Variants in ARL15 observed in about 807,000 individuals in gnomAD.
The protein encoded by ARL15 is ARF like GTPase 15, also known as ADP-ribosylation factor-like protein 15.
A neutral mutation model predicts 25.2 loss-of-function variants in ARL15; 19 were observed. The ratio of observed to expected loss-of-function variants is 0.75; its 90% CI spans 0.53 to 1.10. ARL15 has a LOEUF of 1.10. Ranked by LOEUF, ARL15 falls within the 50% of genes least tolerant of loss-of-function variation. The probability of loss-of-function intolerance (pLI) is 0.00; values close to 1 mark genes in which losing one functional copy is unlikely to be tolerated. For synonymous variants in ARL15, 94 were observed against 86.8 expected (o/e 1.08, Z -0.46); for missense variants, 220 against 246.0 (o/e 0.89, Z 0.71).
At chr5:54,241,635 A>G (rs1350601980) in intron 1 of ARL15, among the ~76,000 whole-genome samples, 1 of 152,198 alleles carries the variant, frequency 6.6e-6, no homozygotes, top group Admixed American at 6.5e-5. Context: ...GTTATGACTC[A>G]TGAGAGTAGG....
intron 1 of ARL15, among the ~76,000 whole-genome samples, chr5:54,256,028 A>G (rs964650386): frequency 2.0e-5 from 3 of 151,900 alleles, no homozygotes; most frequent in African/African-American, 7.3e-5. Context: ...AAAAGAAAAC[A>G]CCAAACCCAA....
intron 3 of ARL15, among the ~76,000 whole-genome samples, chr5:54,144,153 A>C (rs114546525): frequency 0.051 from 7,805 of 151,898 alleles, 272 homozygotes; most frequent in East Asian, 0.14. Flanking sequence ...AAGTATGGTT[A>C]TTTTCTTATT....
At chr5:53,925,985 T>A (rs1034709121) in intron 4 of ARL15, among the ~76,000 whole-genome samples, 1 of 128,712 alleles carries the variant, frequency 7.8e-6, no homozygotes, top group Non-Finnish European at 1.6e-5. Context: ...ATGTCCTTAG[T>A]CTTTTTTCTT....
intron 1 of ARL15, among the ~76,000 whole-genome samples, chr5:54,239,950 G>A (rs1239444204): frequency 6.6e-6 from 1 of 152,110 alleles, no homozygotes; most frequent in Non-Finnish European, 1.5e-5. Context: ...ATCATCGGCC[G>A]GGCGCGGTGG....
chr5:54,277,823 T>C (rs1032784090), intron 1 of ARL15, among the ~76,000 whole-genome samples: 6 of 152,226 alleles, frequency 3.9e-5, no homozygotes, highest in African/African-American at 1.4e-4. Context: ...AAAGCTCTTC[T>C]TGATAACCAA....
At chr5:54,168,451 T>C (rs1754637832) in intron 2 of ARL15, among the ~76,000 whole-genome samples, 1 of 151,982 alleles carries the variant, frequency 6.6e-6, no homozygotes, top group Non-Finnish European at 1.5e-5. Flanking sequence ...ACTTGACTCA[T>C]ATTTGATTGT....
At chr5:54,275,825 C>G (rs1163356812) in intron 1 of ARL15, among the ~76,000 whole-genome samples, 4 of 150,996 alleles carry the variant, frequency 2.6e-5, no homozygotes, top group African/African-American at 9.7e-5. Flanking sequence ...GCTGGGACTA[C>G]AGGCACCCGC....
At chr5:54,221,579 C>T (rs1021320379) in intron 1 of ARL15, among the ~76,000 whole-genome samples, 2 of 150,996 alleles carry the variant, frequency 1.3e-5, no homozygotes, top group Non-Finnish European at 3.0e-5. Flanking sequence ...ACACTTCATA[C>T]ATACATCTGT....
At chr5:53,998,100 T>C (rs140264982) in intron 4 of ARL15, among the ~76,000 whole-genome samples, 1 of 152,256 alleles carries the variant, frequency 6.6e-6, no homozygotes, top group East Asian at 1.9e-4. Context: ...AACCTCCTCA[T>C]GCCTCAGTTT....
At chr5:54,076,597 C>T (rs1338448416) in intron 4 of ARL15, among the ~76,000 whole-genome samples, 2 of 149,574 alleles carry the variant, frequency 1.3e-5, no homozygotes, top group Non-Finnish European at 3.0e-5. Context: ...TTCTTCACTG[C>T]AGAATTAAAT....
At chr5:53,941,879 G>A (rs923119612) in intron 4 of ARL15, among the ~76,000 whole-genome samples, 1 of 152,118 alleles carries the variant, frequency 6.6e-6, no homozygotes, top group Non-Finnish European at 1.5e-5. Context: ...AGAAAAGGAA[G>A]TCAGAAAGCT....
At chr5:54,133,273 T>C (rs1753491609) in intron 3 of ARL15, among the ~76,000 whole-genome samples, 1 of 152,228 alleles carries the variant, frequency 6.6e-6, no homozygotes, top group Non-Finnish European at 1.5e-5. Context: ...GGTTAAATTA[T>C]TTTATCATTA....
chr5:54,093,591 T>C (rs987185588), intron 4 of ARL15, among the ~76,000 whole-genome samples: 4 of 152,056 alleles, frequency 2.6e-5, no homozygotes, highest in African/African-American at 9.7e-5. Context: ...CTATGCTTCC[T>C]GCACATAGTC....
intron 2 of ARL15, among the ~76,000 whole-genome samples, chr5:54,163,686 G>A (rs557634205): frequency 1.3e-5 from 2 of 151,888 alleles, no homozygotes; most frequent in South Asian, 2.1e-4. Flanking sequence ...CAGATTTACT[G>A]GCATAAGGTT....
intron 4 of ARL15, among the ~76,000 whole-genome samples, chr5:53,925,740 C>T (rs981811423): frequency 1.3e-5 from 2 of 151,990 alleles, no homozygotes; most frequent in African/African-American, 2.4e-5. Flanking sequence ...CCTAGGAATT[C>T]GAGGTTGCAG....
At chr5:54,117,810 T>A (rs935815274) in intron 3 of ARL15, among the ~76,000 whole-genome samples, 9 of 152,226 alleles carry the variant, frequency 5.9e-5, no homozygotes, top group African/African-American at 2.2e-4. Context: ...GCTTGTCATT[T>A]CAAGGAAAAC....
intron 1 of ARL15, among the ~76,000 whole-genome samples, chr5:54,301,447 G>A (rs1438024211): frequency 2.0e-5 from 3 of 152,136 alleles, no homozygotes; most frequent in Non-Finnish European, 4.4e-5. Context: ...GAAGGGTGGA[G>A]GAGGAAGCGT....
chr5:53,940,854 A>T (rs1746520590), intron 4 of ARL15, among the ~76,000 whole-genome samples: 1 of 152,214 alleles, frequency 6.6e-6, no homozygotes. Flanking sequence ...CAGCTGACTT[A>T]ATTCTCAAAA....
intron 3 of ARL15, among the ~76,000 whole-genome samples, chr5:54,146,423 A>T (rs905782119): frequency 6.6e-6 from 1 of 152,192 alleles, no homozygotes; most frequent in African/African-American, 2.4e-5. Flanking sequence ...GGAAAAAAAA[A>T]TAAGTAGCCT....
Sources: gnomAD v4.1 joint callset for allele counts (sites outside exome capture counted in the v4.1 genomes callset) on GRCh38, gnomAD v4.1.1 for gene constraint, MANE v1.5 for transcripts, NCBI Gene and HGNC (gene_info 2026-07-23, HGNC 2026-07-21) for gene names.